The following NRG1 variants were observed in gnomAD, a reference collection of about 807,000 sequenced individuals.
NRG1 encodes pro-neuregulin-1, membrane-bound isoform.
Under a neutral mutation model 63.8 loss-of-function variants are expected in NRG1, and 18 were observed. The observed-to-expected ratio is 0.28, with a 90% CI of 0.19 to 0.42. The LOEUF (loss-of-function observed/expected upper bound fraction) is 0.42, where lower values mean the gene tolerates loss of function less well. Among genes scored for constraint, NRG1 ranks in the 10% least tolerant of loss-of-function variants. The pLI is 1.00. For synonymous variants in NRG1, 302 were observed against 301.3 expected (o/e 1.00, Z -0.02); for missense variants, 762 against 814.7 (o/e 0.94, Z 0.79).
intron 1 of NRG1, among the ~76,000 whole-genome samples, chr8:32,182,466 C>T (rs1405671769): frequency 1.3e-5 from 2 of 152,140 alleles, no homozygotes; most frequent in African/African-American, 4.8e-5. Context: ...AGGCTGGTCT[C>T]CAACTCCTGA....
chr8:32,641,170 T>G (rs1852319502), intron 5 of NRG1, among the ~76,000 whole-genome samples: 1 of 149,704 alleles, frequency 6.7e-6, no homozygotes, highest in African/African-American at 2.4e-5. Flanking sequence ...TATATAAATA[T>G]ATTTTTATAT....
intron 1 of NRG1, among the ~76,000 whole-genome samples, chr8:32,206,881 T>C (rs1220870329): frequency 1.3e-5 from 2 of 152,230 alleles, no homozygotes; most frequent in Non-Finnish European, 2.9e-5. Flanking sequence ...AGTGAGAACA[T>C]GCAGTATTTG....
chr8:32,282,572 A>G (rs1426311627), intron 1 of NRG1, among the ~76,000 whole-genome samples: 26 of 152,170 alleles, frequency 1.7e-4, no homozygotes, highest in Admixed American at 1.7e-3. Flanking sequence ...TATGTGCCCC[A>G]TTCAGAGCCG....
intron 3 of NRG1, 135 bp from the exon 4 acceptor site, chr8:32,614,379 A>C (rs1206355832): frequency 1.4e-5 from 10 of 724,558 alleles, no homozygotes; most frequent in Admixed American, 2.2e-5. Flanking sequence ...CTGTATGGTT[A>C]AAGCCTGGAC....
At chr8:32,131,690 G>C (rs1485419268) in intron 1 of NRG1, among the ~76,000 whole-genome samples, 1 of 151,962 alleles carries the variant, frequency 6.6e-6, no homozygotes, top group African/African-American at 2.4e-5. Context: ...TAATGCCTTT[G>C]TGGTTATTAT....
At chr8:32,754,514 C>T (rs757728178) in intron 8 of NRG1, 40 bp downstream of exon 8, 1 of 1,571,962 alleles carries the variant, frequency 6.4e-7, no homozygotes, top group South Asian at 1.1e-5. Flanking sequence ...CTCCTTCATG[C>T]AGAGACAGCT....
At chr8:31,645,241 G>A (rs370307072) in intron 1 of NRG1, among the ~76,000 whole-genome samples, 8 of 152,246 alleles carry the variant, frequency 5.3e-5, no homozygotes, top group South Asian at 2.1e-4. Flanking sequence ...AATATCAGTC[G>A]CTTTATAGTA....
exon 10 of NRG1, chr8:32,759,352 G>C: frequency 1.2e-6 from 2 of 1,613,960 alleles, no homozygotes; most frequent in Non-Finnish European, 1.7e-6. Flanking sequence ...ATTGTTGAGA[G>C]AGAAGCAGAG....
chr8:32,584,041 T>A (rs68030583), intron 1 of NRG1, among the ~76,000 whole-genome samples: 38,991 of 152,068 alleles, frequency 0.26, 5,121 homozygotes, highest in South Asian at 0.33. Flanking sequence ...TTTATGCTTT[T>A]TGTAAAATAG....
chr8:32,235,702 T>A (rs1847474632), intron 1 of NRG1, among the ~76,000 whole-genome samples: 1 of 118,420 alleles, frequency 8.4e-6, no homozygotes, highest in East Asian at 3.7e-4. Context: ...ACTGGAATAG[T>A]TGGTCACTCA....
intron 1 of NRG1, among the ~76,000 whole-genome samples, chr8:31,770,386 A>G (rs950842577): frequency 2.6e-5 from 4 of 152,116 alleles, no homozygotes; most frequent in Non-Finnish European, 5.9e-5. Context: ...TGGTTCTGGT[A>G]CTGAAATGGT....
intron 1 of NRG1, among the ~76,000 whole-genome samples, chr8:32,557,723 T>C (rs533034455): frequency 0.014 from 2,076 of 152,276 alleles, 54 homozygotes; most frequent in African/African-American, 0.047. Flanking sequence ...TCATGCATTA[T>C]CCATTTTGGG....
At chr8:32,530,898 C>T (rs924550061) in intron 1 of NRG1, among the ~76,000 whole-genome samples, 6 of 152,074 alleles carry the variant, frequency 3.9e-5, no homozygotes, top group Non-Finnish European at 8.8e-5. Context: ...TCAAGACCAG[C>T]CTGACCAACA....
rs189618243 is a variant in NRG1 at position 32,459,875 on chromosome 8, T to C, written c.38-135953T>C. Among the ~76,000 whole-genome samples the C allele has an allele frequency of 2.0e-3, 307 of 152,326 alleles. 2 individuals carry two copies. Among genetic ancestry groups the C allele is most frequent in the African/African-American group, 7.0e-3 (293 of 41,572 alleles). Reference sequence around the variant, plus strand: ...ACTTTCTCCTCAGATCTGCAAAAGATTGGTATCTTGTTTAGTCAGATCTCA... The same window carrying C: ...ACTTTCTCCTCAGATCTGCAAAAGACTGGTATCTTGTTTAGTCAGATCTCA... On this transcript the variant is annotated intron_variant, in intron 1 of 10. Transcript: ENST00000519301.
At chr8:32,046,801 A>T (rs1395520218) in intron 1 of NRG1, among the ~76,000 whole-genome samples, 1 of 152,064 alleles carries the variant, frequency 6.6e-6, no homozygotes, top group Non-Finnish European at 1.5e-5. Flanking sequence ...AGGAGATAGC[A>T]TGGGAGGTTT....
chr8:32,767,323 G>T (rs923937167), exon 12 of NRG1: 1 of 152,100 alleles, frequency 6.6e-6, no homozygotes, highest in South Asian at 2.1e-4. Context: ...CCTTTTTATG[G>T]CCTGGGGTTA....
rs192401536 is a variant in NRG1, at chr8:31,661,116, A to G, written c.37+21685A>G. On this transcript the variant is annotated intron_variant, in intron 1 of 10. Transcript: ENST00000519301. ...TAATATGGTCTTTTTCCACATTGGT[A>G]TGTTTCTTTATTTGCTGGACAGGGT... 7.0e-4 allele frequency among the ~76,000 whole-genome samples: 106 copies of G among 152,256 alleles called. 1 individual carries two copies. The highest frequency in any genetic ancestry group is 2.2e-4 in the Non-Finnish European group (15 of 68,012).
At position 31,857,317 on chromosome 8, in the gene NRG1, C is replaced by T. The variant is rs193244670; in HGVS notation, c.37+217886C>T. On this transcript the variant is annotated intron_variant, in intron 1 of 10. Coordinates refer to the NRG1 transcript ENST00000519301. ...AGGTGCGGGATATAATCTCCTGATG[C>T]GCTGTTTTTTAAGCCGGTTGGAAAA... Among the ~76,000 whole-genome samples, 30 of 152,208 alleles carry T rather than the reference C, an allele frequency of 2.0e-4. No homozygotes were observed. The East Asian group carries it at 3.1e-3, about 16-fold the overall frequency.
chr8:32,193,629 T>C (rs1021169033), intron 1 of NRG1, among the ~76,000 whole-genome samples: 3 of 151,866 alleles, frequency 2.0e-5, no homozygotes, highest in African/African-American at 7.3e-5. Flanking sequence ...AGAGGCTCGG[T>C]GTTATGGGTT....
Sources: allele counts gnomAD v4.1 joint callset (sites outside exome capture counted in the v4.1 genomes callset), GRCh38; gene constraint gnomAD v4.1.1; transcripts MANE v1.5; gene names NCBI Gene and HGNC (gene_info 2026-07-23, HGNC 2026-07-21).